The following MAP3K7 variants were observed in gnomAD, a reference collection of about 807,000 sequenced individuals.
The protein encoded by MAP3K7 is mitogen-activated protein kinase kinase kinase 7, also known as TGF-beta activated kinase 1.
A neutral mutation model predicts 84.8 loss-of-function variants in MAP3K7; 21 were observed. The ratio of observed to expected loss-of-function variants is 0.25; its 90% CI spans 0.18 to 0.36. MAP3K7 has a LOEUF of 0.36. MAP3K7 is among the 10% of genes least tolerant of loss of function. The probability of loss-of-function intolerance (pLI) is 1.00; values close to 1 mark genes in which losing one functional copy is unlikely to be tolerated. For synonymous variants in MAP3K7, 241 were observed against 247.7 expected (o/e 0.97, Z 0.25); for missense variants, 503 against 747.7 (o/e 0.67, Z 3.82).
intron 9 of MAP3K7, among the ~76,000 whole-genome samples, chr6:90,549,202 G>T (rs1776101300): frequency 1.3e-5 from 2 of 152,062 alleles, no homozygotes; most frequent in South Asian, 4.2e-4. Flanking sequence ...AGAGTAGATG[G>T]GCACAGATGT....
rs752100972 is a variant in MAP3K7, at chr6:90,516,484, G to T, written c.*17C>A. 1 of 1,601,582 alleles carries T rather than the reference G, an allele frequency of 6.2e-7. No individual in the cohort carries two copies. The highest frequency in any genetic ancestry group is 8.5e-7 in the Non-Finnish European group (1 of 1,176,146). On this transcript the variant is annotated 3_prime_UTR_variant, in exon 17 of 17. Transcript: ENST00000369329. ...AGTCTTTCTTTGCATATTTCAAAAT[G>T]TAACGGTCCCAGAGAATCATGAAGT...
rs550184627 is a variant in MAP3K7 at position 90,531,338 on chromosome 6, C to T, written c.1356+4999G>A. Among the ~76,000 whole-genome samples, 3 of 152,246 alleles carry T rather than the reference C, an allele frequency of 2.0e-5. No individual in the cohort carries two copies. The South Asian group carries it at 6.2e-4, about 32-fold the overall frequency. On this transcript the variant is annotated intron_variant, in intron 13 of 16. Transcript: ENST00000369329. ...TGACATTTAAAAGCTATTTAATACCCTCAGAAATCTTAGTAGCTAAAATTA... is the reference window on the plus strand; with the variant it reads ...TGACATTTAAAAGCTATTTAATACCTTCAGAAATCTTAGTAGCTAAAATTA...
chr6:90,586,478 T>A (rs936438195), intron 1 of MAP3K7, among the ~76,000 whole-genome samples: 3 of 151,740 alleles, frequency 2.0e-5, no homozygotes, highest in Admixed American at 2.0e-4. Flanking sequence ...ATACGAGAAC[T>A]GGTGGACCAC....
intron 5 of MAP3K7, among the ~76,000 whole-genome samples, chr6:90,557,489 C>T (rs1237011896): frequency 6.6e-6 from 1 of 152,084 alleles, no homozygotes; most frequent in Non-Finnish European, 1.5e-5. Context: ...TTCACAGTTC[C>T]ATAATACCAA....
intron 11 of MAP3K7, among the ~76,000 whole-genome samples, chr6:90,546,282 T>C (rs960591676): frequency 1.3e-5 from 2 of 151,968 alleles, no homozygotes; most frequent in Non-Finnish European, 2.9e-5. Flanking sequence ...ATGAGAATAT[T>C]CTATTTAGAA....
chr6:90,519,362 A>T (rs912156370), intron 14 of MAP3K7, 43 bp from the exon 15 acceptor site: 1 of 1,288,552 alleles, frequency 7.8e-7, no homozygotes, highest in Non-Finnish European at 1.1e-6. Context: ...TGTCACAAAT[A>T]ATTATAAACG....
intron 2 of MAP3K7, 33 bp downstream of exon 2, chr6:90,571,664 G>C: frequency 1.5e-6 from 2 of 1,318,272 alleles, no homozygotes; most frequent in Non-Finnish European, 1.1e-6. Context: ...CTTAAGTGCA[G>C]AACTACACAA....
At chr6:90,576,225 C>T (rs1777070936) in intron 1 of MAP3K7, among the ~76,000 whole-genome samples, 1 of 151,856 alleles carries the variant, frequency 6.6e-6, no homozygotes, top group Non-Finnish European at 1.5e-5. Context: ...AGATTGAGAC[C>T]ATCCTGGCTA....
Position 90,544,541 on chromosome 6 carries a change from G to T in MAP3K7, c.1291+11C>A. 6.2e-7 allele frequency: 1 copy of T among 1,609,898 alleles called. No homozygotes were observed. The highest frequency in any genetic ancestry group is 1.1e-5 in the South Asian group (1 of 91,002). On this transcript the variant is annotated intron_variant, in intron 12 of 16. Coordinates refer to ENST00000369329, the MANE Select transcript of MAP3K7 (RefSeq NM_145331.3). ...CACAGCTATTAGACCAACTCAGGTG[G>T]TCTATGATACCTGATATGACGATCT...
chr6:90,567,102 T>C (rs1464091331), intron 3 of MAP3K7, among the ~76,000 whole-genome samples: 2 of 152,086 alleles, frequency 1.3e-5, no homozygotes, highest in East Asian at 1.9e-4. Context: ...CCTAAAACCA[T>C]AAAAACCCTA....
intron 3 of MAP3K7, among the ~76,000 whole-genome samples, chr6:90,565,997 T>C (rs1405908867): frequency 6.6e-6 from 1 of 152,172 alleles, no homozygotes; most frequent in African/African-American, 2.4e-5. Flanking sequence ...GAAAAGGGCT[T>C]TGACAAAATT....
chr6:90,579,934 T>A (rs964322635), intron 1 of MAP3K7, among the ~76,000 whole-genome samples: 16 of 152,204 alleles, frequency 1.1e-4, no homozygotes, highest in Non-Finnish European at 2.4e-4. Flanking sequence ...TTCATTACTG[T>A]CTGCACTCCA....
At chr6:90,556,731 G>A (rs542837764) in intron 5 of MAP3K7, 107 bp from the exon 6 acceptor site, 136 of 1,108,716 alleles carry the variant, frequency 1.2e-4, no homozygotes, top group Middle Eastern at 6.8e-4. Flanking sequence ...CAAAATGAAT[G>A]TTATCATTCA....
intron 13 of MAP3K7, among the ~76,000 whole-genome samples, chr6:90,529,049 G>A (rs1775412413): frequency 6.6e-6 from 1 of 152,136 alleles, no homozygotes; most frequent in African/African-American, 2.4e-5. Context: ...GGTTGTTTGT[G>A]TACAAGGCCA....
At chr6:90,561,986 T>A (rs1776532296) in intron 3 of MAP3K7, among the ~76,000 whole-genome samples, 1 of 152,106 alleles carries the variant, frequency 6.6e-6, no homozygotes, top group Non-Finnish European at 1.5e-5. Context: ...TTGGACAAAA[T>A]CACCTAAAAG....
intron 1 of MAP3K7, among the ~76,000 whole-genome samples, chr6:90,585,186 A>C (rs1185048019): frequency 6.6e-6 from 1 of 152,206 alleles, no homozygotes; most frequent in Non-Finnish European, 1.5e-5. Flanking sequence ...ACTTGCCCCA[A>C]ATCACACAGC....
At chr6:90,582,617 G>A (rs1777311731) in intron 1 of MAP3K7, among the ~76,000 whole-genome samples, 1 of 152,140 alleles carries the variant, frequency 6.6e-6, no homozygotes, top group African/African-American at 2.4e-5. Flanking sequence ...TTTAGGCAGA[G>A]GAACAACTAC....
intron 14 of MAP3K7, among the ~76,000 whole-genome samples, chr6:90,520,713 T>C (rs1179029612): frequency 2.0e-5 from 3 of 152,014 alleles, no homozygotes; most frequent in Non-Finnish European, 4.4e-5. Flanking sequence ...AGTACTAACA[T>C]AAATGTGTGT....
At chr6:90,530,960 A>G (rs1051262590) in intron 13 of MAP3K7, among the ~76,000 whole-genome samples, 1 of 152,206 alleles carries the variant, frequency 6.6e-6, no homozygotes, top group African/African-American at 2.4e-5. Flanking sequence ...TTCCTCTAAG[A>G]CATTTAAAAT....
Sources: gnomAD v4.1 joint callset for allele counts (sites outside exome capture counted in the v4.1 genomes callset) on GRCh38, gnomAD v4.1.1 for gene constraint, MANE v1.5 for transcripts, NCBI Gene and HGNC (gene_info 2026-07-23, HGNC 2026-07-21) for gene names.